AP4E1: variants seen among roughly 807,000 people sequenced by gnomAD.
The protein encoded by AP4E1 is AP-4 complex subunit epsilon-1.
In AP4E1, 56 loss-of-function variants were observed where a neutral mutation model predicts 128.2. The ratio of observed to expected loss-of-function variants is 0.44; its 90% CI spans 0.35 to 0.55. The LOEUF is 0.55. Ranked by LOEUF, AP4E1 falls within the 20% of genes least tolerant of loss-of-function variation. The pLI, the probability that AP4E1 is intolerant of heterozygous loss-of-function variation, is 0.00. For synonymous variants in AP4E1, 484 were observed against 473.1 expected, an observed-to-expected ratio of 1.02 and a Z score of -0.30; for missense variants, 1,324 against 1,307.7, an observed-to-expected ratio of 1.01 and a Z score of -0.19.
intron 16 of AP4E1, among the ~76,000 whole-genome samples, chr15:50,989,597 G>A (rs1365883895): frequency 6.6e-6 from 1 of 151,920 alleles, no homozygotes; most frequent in Non-Finnish European, 1.5e-5. Context: ...TGATGATGGA[G>A]GTGACAGCAA....
chr15:50,951,368 T>C (rs1221172417), intron 13 of AP4E1, among the ~76,000 whole-genome samples: 1 of 152,236 alleles, frequency 6.6e-6, no homozygotes, highest in Non-Finnish European at 1.5e-5. Flanking sequence ...TTCAGTTTCT[T>C]GCCATGTGGC....
At chr15:50,947,570 T>C (rs1051227044) in intron 10 of AP4E1, among the ~76,000 whole-genome samples, 1 of 152,218 alleles carries the variant, frequency 6.6e-6, no homozygotes, top group Admixed American at 6.5e-5. Context: ...TGGTGTCTTC[T>C]GTTGTTTGGG....
intron 13 of AP4E1, among the ~76,000 whole-genome samples, chr15:50,955,618 G>T (rs959992315): frequency 6.6e-6 from 1 of 152,274 alleles, no homozygotes; most frequent in Middle Eastern, 3.4e-3. Flanking sequence ...CTGAACAGTG[G>T]GGAAAATCCT....
At chr15:50,954,767 C>T (rs556723786) in intron 13 of AP4E1, among the ~76,000 whole-genome samples, 1 of 152,254 alleles carries the variant, frequency 6.6e-6, no homozygotes, top group East Asian at 1.9e-4. Flanking sequence ...CATATGTATA[C>T]ATGTGCCATG....
chr15:50,930,741 C>G, intron 6 of AP4E1, 64 bp from the exon 7 acceptor site: 6 of 1,510,902 alleles, frequency 4.0e-6, no homozygotes, highest in Non-Finnish European at 5.5e-6. Context: ...TATGACATTT[C>G]AATTAGGTCT....
intron 13 of AP4E1, among the ~76,000 whole-genome samples, chr15:50,957,723 C>G (rs1343928575): frequency 7.5e-6 from 1 of 133,814 alleles, no homozygotes; most frequent in Non-Finnish European, 1.5e-5. Flanking sequence ...GTTGCCCAGG[C>G]TGGAGTGCAG....
chr15:50,968,784 C>T (rs1320988401), intron 15 of AP4E1, among the ~76,000 whole-genome samples: 1 of 152,114 alleles, frequency 6.6e-6, no homozygotes, highest in Non-Finnish European at 1.5e-5. Context: ...GGTGCCACCA[C>T]ACCCAGCTAA....
At chr15:50,976,691 T>C (rs1030624754) in intron 15 of AP4E1, among the ~76,000 whole-genome samples, 1 of 152,228 alleles carries the variant, frequency 6.6e-6, no homozygotes, top group Non-Finnish European at 1.5e-5. Context: ...GGATGCAAAG[T>C]CAACATGCAA....
At chr15:50,944,848 A>G (rs2064036496) in intron 10 of AP4E1, 1 of 759,666 alleles carries the variant, frequency 1.3e-6, no homozygotes, top group Admixed American at 2.1e-5. Flanking sequence ...GCTTTGCTGG[A>G]TGGTCACCAA....
chr15:50,979,073 G>T (rs2140908542), intron 15 of AP4E1, among the ~76,000 whole-genome samples: 1 of 151,892 alleles, frequency 6.6e-6, no homozygotes, highest in Non-Finnish European at 1.5e-5. Flanking sequence ...CTCTAATTTT[G>T]AGCTTCTTTC....
Position 50,929,240 on chromosome 15 carries a change from CAG to C in AP4E1, c.702+74_702+75del, listed in dbSNP as rs1238271367. 28 of 1,505,926 alleles carry C rather than the reference CAG, an allele frequency of 1.9e-5. No individual in the cohort carries two copies. The South Asian group carries it at 1.9e-4, about 10-fold the overall frequency. The allele number at this position is 1,505,926 out of a possible 1,614,324, so 93.3% of individuals were successfully genotyped here. ...ATACAATTATGGAATTAAAAAGAAA[CAG>C]ATATTTTGGTAAAATGCTTAGTTAA... is the stretch of plus-strand genomic sequence containing the variant. On this transcript the variant is annotated intron_variant, in intron 6 of 20. Transcript: ENST00000261842.
Position 50,984,068 on chromosome 15 carries a change from C to G in AP4E1, c.2013C>G (p.Phe671Leu). The G allele has an allele frequency of 6.2e-7, 1 of 1,613,412 alleles. No homozygotes were observed. Among genetic ancestry groups the G allele is most frequent in the South Asian group, 1.1e-5 (1 of 91,068 alleles). ...GACTCTCCTTTTCTTCATCTGGCTT[C>G]ACTGGACGACAGTCTCCTGCTGGCA... ...PYGLSFSSSG[F>L]TGRQSPAGIS... The change falls in exon 16 of 21, where the codon TTC (phenylalanine) becomes TTG (leucine). Residue 671 changes from phenylalanine (F) to leucine (L), a missense_variant. Coordinates refer to ENST00000261842, the MANE Select transcript of AP4E1 (RefSeq NM_007347.5).
At chr15:50,920,357 C>A (rs1443199517) in intron 3 of AP4E1, among the ~76,000 whole-genome samples, 6 of 151,526 alleles carry the variant, frequency 4.0e-5, no homozygotes, top group Non-Finnish European at 8.8e-5. Flanking sequence ...TCGTGATCCG[C>A]CCGCCTCAGC....
At position 50,908,916 on chromosome 15, in the gene AP4E1, C is replaced by T. The variant is rs762804786; in HGVS notation, c.138C>T (p.Leu46=). 8 of 1,610,838 alleles carry T rather than the reference C, an allele frequency of 5.0e-6. No individual in the cohort carries two copies. Among genetic ancestry groups the T allele is most frequent in the African/African-American group, 2.7e-5 (2 of 74,924 alleles). ...LGSLVRGITA[L]TSKHEEEKLI... ...GCCTTGTCCGCGGCATCACAGCCCTCACCTCCAAGCACGTAGGTGCCCGCC... is the reference window on the plus strand; with the variant it reads ...GCCTTGTCCGCGGCATCACAGCCCTTACCTCCAAGCACGTAGGTGCCCGCC... The change falls in exon 1 of 21, where the codon CTC becomes CTT. Residue 46 remains leucine, a synonymous_variant. Coordinates refer to ENST00000261842, the MANE Select transcript of AP4E1 (RefSeq NM_007347.5).
chr15:50,908,084 G>C (rs2614788), upstream of AP4E1, among the ~76,000 whole-genome samples: 120,551 of 152,182 alleles, frequency 0.79, 48,311 homozygotes, highest in African/African-American at 0.9. Context: ...CCGCCGACCA[G>C]TTCTCTTTCC....
intron 14 of AP4E1, among the ~76,000 whole-genome samples, chr15:50,960,753 T>C (rs1338798378): frequency 6.6e-6 from 1 of 150,396 alleles, no homozygotes; most frequent in Non-Finnish European, 1.5e-5. Flanking sequence ...AACTCAACAT[T>C]AGTAGAAGGA....
chr15:50,968,862 T>C (rs1023184199), intron 15 of AP4E1, among the ~76,000 whole-genome samples: 1 of 152,044 alleles, frequency 6.6e-6, no homozygotes, highest in Non-Finnish European at 1.5e-5. Context: ...CGGCCTCAAG[T>C]GATCTTTGAC....
intron 18 of AP4E1, among the ~76,000 whole-genome samples, chr15:50,998,413 C>G (rs1409590118): frequency 6.6e-6 from 1 of 151,814 alleles, no homozygotes; most frequent in Non-Finnish European, 1.5e-5. Flanking sequence ...GGGTGGATCA[C>G]GAGGTCAGGA....
chr15:50,992,707 C>CT (rs1402964492), intron 16 of AP4E1, among the ~76,000 whole-genome samples: 1 of 152,086 alleles, frequency 6.6e-6, no homozygotes, highest in Non-Finnish European at 1.5e-5. Context: ...CAAAATCTTA[C>CT]TTTTTTCTTT....
Sources: gnomAD v4.1 joint callset for allele counts (sites outside exome capture counted in the v4.1 genomes callset) on GRCh38, gnomAD v4.1.1 for gene constraint, MANE v1.5 for transcripts, NCBI Gene and HGNC (gene_info 2026-07-23, HGNC 2026-07-21) for gene names.